Variants in SLC45A4 observed in about 807,000 individuals in gnomAD.
SLC45A4 encodes the protein polyamine-transporter SLC45A4.
Under a neutral mutation model 63.7 loss-of-function variants are expected in SLC45A4, and 32 were observed. The ratio of observed to expected loss-of-function variants is 0.50; its 90% confidence interval spans 0.38 to 0.67. SLC45A4 has a LOEUF of 0.67. SLC45A4 is among the 30% of genes least tolerant of loss of function. The pLI, the probability that SLC45A4 is intolerant of heterozygous loss-of-function variation, is 0.00. For synonymous variants in SLC45A4, 535 were observed against 510.0 expected (o/e 1.05, Z -0.66); for missense variants, 1,027 against 1,157.7 (o/e 0.89, Z 1.64).
At chr8:141,292,237 C>T (rs1015597390) in intron 1 of SLC45A4, among the ~76,000 whole-genome samples, 11 of 152,242 alleles carry the variant, frequency 7.2e-5, no homozygotes, top group Admixed American at 3.3e-4. Flanking sequence ...CATACATCCC[C>T]GACCAGGGCA....
chr8:141,275,241 A>C (rs1423956100), intron 1 of SLC45A4, among the ~76,000 whole-genome samples: 1 of 152,202 alleles, frequency 6.6e-6, no homozygotes, highest in Non-Finnish European at 1.5e-5. Flanking sequence ...TTCAGAACCA[A>C]GCGTTTTCTT....
chr8:141,264,100 G>C (rs865899979), intron 1 of SLC45A4, among the ~76,000 whole-genome samples: 15 of 152,190 alleles, frequency 9.9e-5, no homozygotes, highest in African/African-American at 3.6e-4. Flanking sequence ...ATACGTTTAA[G>C]AACGCAAGAG....
rs1486506529 is a variant in SLC45A4, at chr8:141,229,457, C to T, written c.242-7692G>A. The stretch of plus-strand genomic sequence containing the variant: ...CACATCCCGCTCAGAACCTCAGCCA[C>T]GGCCACTGGGGAGGGTCCAGCCAGT... On this transcript the variant is annotated intron_variant, in intron 2 of 8. Coordinates refer to ENST00000517878, the MANE Select transcript of SLC45A4 (RefSeq NM_001286646.2). This position sits in a 1 kb window ranked among gnomAD's most constrained non-coding sequence, Gnocchi z 5.0. Among the ~76,000 whole-genome samples, 1 of 152,130 alleles carries T rather than the reference C, an allele frequency of 6.6e-6. No individual in the cohort carries two copies. Among genetic ancestry groups the T allele is most frequent in the Non-Finnish European group, 1.5e-5 (1 of 68,022 alleles).
chr8:141,274,940 G>A (rs1444013464), intron 1 of SLC45A4, among the ~76,000 whole-genome samples: 1 of 152,238 alleles, frequency 6.6e-6, no homozygotes, highest in Non-Finnish European at 1.5e-5. Context: ...CCGGTTCAGA[G>A]GGCCACTGCG....
chr8:141,234,030 C>T (rs938403142), intron 2 of SLC45A4, among the ~76,000 whole-genome samples: 2 of 152,258 alleles, frequency 1.3e-5, no homozygotes, highest in Admixed American at 1.3e-4. Flanking sequence ...CATCACCAGG[C>T]TTTTATGAGA....
At chr8:141,238,355 G>A (rs55846720) in intron 2 of SLC45A4, among the ~76,000 whole-genome samples, 79,433 of 151,850 alleles carry the variant, frequency 0.52, 21,257 homozygotes, top group South Asian at 0.62. Context: ...TAATCCCTGT[G>A]AGCGCACAGC....
chr8:141,285,755 G>A (rs769862691), intron 1 of SLC45A4, among the ~76,000 whole-genome samples: 50 of 152,156 alleles, frequency 3.3e-4, no homozygotes, highest in Non-Finnish European at 6.2e-4. Flanking sequence ...GTCTGCAAAC[G>A]CCCCGTGCCC....
intron 7 of SLC45A4, among the ~76,000 whole-genome samples, chr8:141,213,509 G>C (rs1825960095): frequency 1.3e-5 from 2 of 152,330 alleles, no homozygotes; most frequent in South Asian, 4.1e-4. Flanking sequence ...AAATCGTAAT[G>C]AAAATTATAA....
intron 1 of SLC45A4, among the ~76,000 whole-genome samples, chr8:141,265,674 G>A (rs761371671): frequency 6.6e-6 from 1 of 152,210 alleles, no homozygotes; most frequent in Non-Finnish European, 1.5e-5. Context: ...CCCCAGCACA[G>A]GCAATCCTGT....
intron 1 of SLC45A4, among the ~76,000 whole-genome samples, chr8:141,271,289 T>C (rs535464082): frequency 6.6e-6 from 1 of 152,328 alleles, no homozygotes; most frequent in African/African-American, 2.4e-5. Flanking sequence ...CACCACAGGC[T>C]AGAGCATCAC....
chr8:141,223,651 G>C (rs1826795305), intron 2 of SLC45A4, among the ~76,000 whole-genome samples: 1 of 152,156 alleles, frequency 6.6e-6, no homozygotes, highest in Non-Finnish European at 1.5e-5. Context: ...CCCTGCCTGG[G>C]AACCCCTCCT....
chr8:141,214,977 T>G (rs1292741522), intron 7 of SLC45A4, among the ~76,000 whole-genome samples: 2 of 152,192 alleles, frequency 1.3e-5, no homozygotes, highest in African/African-American at 2.4e-5. Flanking sequence ...GGGACGTTCA[T>G]GCAGTGCTAC....
At chr8:141,295,634 C>T (rs1249043393) in intron 1 of SLC45A4, among the ~76,000 whole-genome samples, 1 of 152,218 alleles carries the variant, frequency 6.6e-6, no homozygotes, top group African/African-American at 2.4e-5. Context: ...GTAAACGGCT[C>T]CACAAGCAAC....
At chr8:141,219,328 C>T (rs1405308604) in intron 4 of SLC45A4, among the ~76,000 whole-genome samples, 1 of 152,270 alleles carries the variant, frequency 6.6e-6, no homozygotes, top group African/African-American at 2.4e-5. Flanking sequence ...GAGCTGGCCA[C>T]GTTCACCCTG....
chr8:141,230,065 G>A, intron 2 of SLC45A4: 1 of 456,272 alleles, frequency 2.2e-6, no homozygotes, highest in Non-Finnish European at 4.4e-6. Flanking sequence ...AAAGTTCTCT[G>A]CAAGTCTACT....
At chr8:141,221,454 C>T (rs1404528390) in intron 3 of SLC45A4, 123 bp downstream of exon 3, 13 of 1,285,510 alleles carry the variant, frequency 1.0e-5, no homozygotes, top group Non-Finnish European at 1.4e-5. Context: ...CCCGGCAGCC[C>T]AGCCAGGCCC....
Position 141,218,674 on chromosome 8 carries a change from G to A in SLC45A4, c.966C>T (p.Pro322=), listed in dbSNP as rs144027256. 37 of 1,613,054 alleles carry A rather than the reference G, an allele frequency of 2.3e-5. No homozygotes were observed. The Middle Eastern group carries it at 5.0e-4, about 22-fold the overall frequency. ...CGATGTCGTGCAGGAACAGCAGCTC[G>A]GGCTCCAGGTCCAGCGCGGTGTCCG... ...HVPDTALDLE[P]ELLFLHDIEP... The change falls in exon 5 of 9, where the codon CCC becomes CCT. Residue 322 remains proline (P), a synonymous_variant. Transcript: ENST00000517878.
chr8:141,223,110 AGAG>A (rs1170212671), intron 2 of SLC45A4, among the ~76,000 whole-genome samples: 5 of 152,266 alleles, frequency 3.3e-5, no homozygotes, highest in Non-Finnish European at 5.9e-5. Context: ...AATCATTTTC[AGAG>A]GAGGAGGGAA....
At chr8:141,307,051 C>T (rs943327921) in intron 1 of SLC45A4, among the ~76,000 whole-genome samples, 2 of 152,198 alleles carry the variant, frequency 1.3e-5, no homozygotes, top group African/African-American at 4.8e-5. Flanking sequence ...ACTGGAGAGA[C>T]ACAAACACCT....
Sources: allele counts gnomAD v4.1 joint callset (sites outside exome capture counted in the v4.1 genomes callset), GRCh38; gene constraint gnomAD v4.1.1; non-coding constraint Gnocchi (gnomAD v3.1); transcripts MANE v1.5; gene names NCBI Gene and HGNC (gene_info 2026-07-23, HGNC 2026-07-21).